The following MET variants were observed in gnomAD, a reference collection of about 807,000 sequenced individuals.
The protein encoded by MET is MET proto-oncogene, receptor tyrosine kinase.
In MET, 48 loss-of-function variants were observed where a neutral mutation model predicts 133.1. That is an observed-to-expected ratio of 0.36 (90% CI 0.29 to 0.46). The LOEUF is 0.46. MET is among the 20% of genes least tolerant of loss of function. The probability of loss-of-function intolerance (pLI) is 1.00; values close to 1 mark genes in which losing one functional copy is unlikely to be tolerated. For missense variants in MET, 1,442 were observed against 1,695.9 expected (o/e 0.85, Z 2.63); for synonymous variants, 628 against 616.5 (o/e 1.02, Z -0.28).
intron 17 of MET, among the ~76,000 whole-genome samples, chr7:116,780,077 A>G (rs1270015773): frequency 6.6e-6 from 1 of 152,250 alleles, no homozygotes; most frequent in Non-Finnish European, 1.5e-5. Flanking sequence ...AGTGTTTAGC[A>G]CATAGACTCG....
intron 5 of MET, among the ~76,000 whole-genome samples, chr7:116,754,440 A>G (rs1173372713): frequency 2.0e-5 from 3 of 152,156 alleles, no homozygotes; most frequent in Non-Finnish European, 2.9e-5. Flanking sequence ...AAGAGTTACA[A>G]TCAGAGTTAT....
chr7:116,770,567 G>A (rs769085111), intron 12 of MET, among the ~76,000 whole-genome samples: 1 of 152,022 alleles, frequency 6.6e-6, no homozygotes, highest in Non-Finnish European at 1.5e-5. Context: ...CCAATAAGCA[G>A]CAGCTCCACA....
chr7:116,741,657 C>T (rs1793459421), intron 5 of MET, among the ~76,000 whole-genome samples: 1 of 152,150 alleles, frequency 6.6e-6, no homozygotes, highest in South Asian at 2.1e-4. Context: ...GGGTCAACAC[C>T]CATGGGTGGC....
chr7:116,683,913 T>C (rs1392720195), intron 1 of MET, among the ~76,000 whole-genome samples: 1 of 152,230 alleles, frequency 6.6e-6, no homozygotes, highest in Non-Finnish European at 1.5e-5. Context: ...TCCTTTCTAC[T>C]TACAAAACAC....
intron 17 of MET, among the ~76,000 whole-genome samples, chr7:116,779,825 A>G (rs747107225): frequency 3.9e-5 from 6 of 152,292 alleles, no homozygotes; most frequent in Non-Finnish European, 7.4e-5. Context: ...GTGAAAATTA[A>G]TTTCACCTGT....
At chr7:116,675,840 G>C (rs1305709349) in intron 1 of MET, among the ~76,000 whole-genome samples, 2 of 149,602 alleles carry the variant, frequency 1.3e-5, no homozygotes, top group Non-Finnish European at 3.0e-5. Flanking sequence ...CATATGTGTG[G>C]GGCATTCTGC....
intron 1 of MET, 124 bp downstream of exon 1, chr7:116,672,701 T>A: frequency 2.7e-6 from 1 of 371,174 alleles, no homozygotes; most frequent in Admixed American, 4.6e-5. Flanking sequence ...TGGGCTAGAG[T>A]TTAGGGGCTT....
At chr7:116,678,479 C>A (rs535323183) in intron 1 of MET, among the ~76,000 whole-genome samples, 69 of 151,732 alleles carry the variant, frequency 4.5e-4, no homozygotes, top group Non-Finnish European at 3.5e-4. Flanking sequence ...TTTGATAAGA[C>A]CGTGGAAGAT....
intron 2 of MET, among the ~76,000 whole-genome samples, chr7:116,707,275 T>C (rs991548906): frequency 2.0e-5 from 3 of 152,056 alleles, no homozygotes; most frequent in South Asian, 2.1e-4. Context: ...ATGAACAGTA[T>C]AACTATAAAA....
rs745740862 is a variant in MET, at chr7:116,699,264, T to A, written c.180T>A (p.His60Gln). The A allele has an allele frequency of 1.5e-5, 25 of 1,614,032 alleles. No individual in the cohort carries two copies. The highest frequency in any genetic ancestry group is 2.0e-5 in the Non-Finnish European group (24 of 1,179,930). Residue 60 changes from histidine to glutamine, a missense_variant, in exon 2 of 21, where the codon CAT (histidine) becomes CAA (glutamine). Coordinates refer to ENST00000397752, the MANE Select transcript of MET (RefSeq NM_000245.4). ...TPIQNVILHEHHIFLGATNYI... is the reference protein window; with the variant it reads ...TPIQNVILHEQHIFLGATNYI... ...TCCAGAATGTCATTCTACATGAGCA[T>A]CACATTTTCCTTGGTGCCACTAACT...
chr7:116,702,317 C>T (rs1249826648), intron 2 of MET, among the ~76,000 whole-genome samples: 2 of 152,096 alleles, frequency 1.3e-5, no homozygotes, highest in African/African-American at 4.8e-5. Context: ...CTTCAAACCT[C>T]CTCTATTTAT....
At chr7:116,708,311 C>A (rs941694127) in intron 2 of MET, among the ~76,000 whole-genome samples, 1 of 152,084 alleles carries the variant, frequency 6.6e-6, no homozygotes, top group Non-Finnish European at 1.5e-5. Flanking sequence ...AAAAGCAATA[C>A]GTCTTTAGTA....
chr7:116,709,837 GTCCAAGA>G (rs1791929030), intron 2 of MET, among the ~76,000 whole-genome samples: 1 of 152,096 alleles, frequency 6.6e-6, no homozygotes, highest in African/African-American at 2.4e-5. Flanking sequence ...ATATGAGAAG[GTCCAAGA>G]CTCTGGAAAT....
chr7:116,754,645 C>T (rs992830734), intron 5 of MET, among the ~76,000 whole-genome samples: 2 of 151,248 alleles, frequency 1.3e-5, no homozygotes, highest in African/African-American at 4.9e-5. Flanking sequence ...CGTAGTGAGA[C>T]CCTGTCTCTA....
rs557501904 is a variant in MET at position 116,787,466 on chromosome 7, C to T, written c.3798+3997C>T. The stretch of plus-strand genomic sequence containing the variant: ...GGCCAGGAAGTCCAAGATCAAGGGG[C>T]CACATGTGCTGAAGGTCTTCTTGCT... On this transcript the variant is annotated intron_variant, in intron 19 of 20. Transcript: ENST00000397752. 3.3e-5 allele frequency among the ~76,000 whole-genome samples: 5 copies of T among 152,250 alleles called. No homozygotes were observed. The South Asian group carries it at 1.0e-3, about 32-fold the overall frequency.
chr7:116,754,945 AAGAAAG>A (rs1204394272), intron 5 of MET, among the ~76,000 whole-genome samples: 14 of 140,322 alleles, frequency 1.0e-4, no homozygotes, highest in South Asian at 2.3e-4. Flanking sequence ...GAAAGAAAGA[AAGAAAG>A]AGAAAGAAAG....
intron 1 of MET, among the ~76,000 whole-genome samples, chr7:116,695,455 G>C (rs151061160): frequency 2.4e-4 from 37 of 152,242 alleles, no homozygotes; most frequent in African/African-American, 8.4e-4. Flanking sequence ...ATCTCTTTTT[G>C]ATCCTTAAAA....
intron 19 of MET, among the ~76,000 whole-genome samples, chr7:116,794,544 C>A (rs1462274166): frequency 6.6e-6 from 1 of 152,224 alleles, no homozygotes; most frequent in East Asian, 1.9e-4. Context: ...TACCTCATTT[C>A]TTTCTTTCAG....
intron 1 of MET, among the ~76,000 whole-genome samples, chr7:116,676,988 G>GT (rs11404514): frequency 0.21 from 30,658 of 147,568 alleles, 3,852 homozygotes; most frequent in Non-Finnish European, 0.29. Context: ...GTGTTGTTTT[G>GT]TTTTTTTTTT....
Sources: gnomAD v4.1 joint callset for allele counts (sites outside exome capture counted in the v4.1 genomes callset) on GRCh38, gnomAD v4.1.1 for gene constraint, MANE v1.5 for transcripts, NCBI Gene and HGNC (gene_info 2026-07-23, HGNC 2026-07-21) for gene names.